Variants in SHISA9 observed in about 807,000 individuals in gnomAD.
SHISA9 encodes shisa family member 9, also known as protein shisa-9.
A neutral mutation model predicts 38.0 loss-of-function variants in SHISA9; 13 were observed. The observed-to-expected ratio is 0.34, with a 90% CI of 0.22 to 0.54. The LOEUF is 0.54. Among genes scored for constraint, SHISA9 ranks in the 20% least tolerant of loss-of-function variants. The probability of loss-of-function intolerance (pLI) is 0.91; values close to 1 mark genes in which losing one functional copy is unlikely to be tolerated. For synonymous variants in SHISA9, 275 were observed against 242.0 expected (o/e 1.14, Z -1.27); for missense variants, 538 against 575.8 (o/e 0.93, Z 0.67).
At chr16:13,482,225 C>G in the SHISA9 span, among the ~76,000 whole-genome samples, 3 of 152,226 alleles carry the variant, frequency 2.0e-5, no homozygotes, top group Non-Finnish European at 2.9e-5. Context: ...TGGCTGTTTC[C>G]CTGCCAAGTC....
chr16:13,118,733 T>TTC (rs1011615331), intron 2 of SHISA9, among the ~76,000 whole-genome samples: 15 of 148,366 alleles, frequency 1.0e-4, no homozygotes, highest in South Asian at 2.1e-4. Context: ...CTTTTTTCTT[T>TTC]TTTTTTTTTT....
At chr16:13,513,322 A>T in the SHISA9 span, among the ~76,000 whole-genome samples, 5 of 152,284 alleles carry the variant, frequency 3.3e-5, no homozygotes, top group South Asian at 1.0e-3. Context: ...GGCAATTATT[A>T]AAAAGTCAAG....
chr16:12,984,255 G>T (rs959172551), intron 2 of SHISA9, among the ~76,000 whole-genome samples: 20 of 152,152 alleles, frequency 1.3e-4, no homozygotes, highest in African/African-American at 4.8e-4. Flanking sequence ...GTGCCAGAAA[G>T]AAATGAAAGG....
the SHISA9 span, among the ~76,000 whole-genome samples, chr16:13,393,127 C>G: frequency 4.3e-4 from 66 of 152,292 alleles, no homozygotes; most frequent in African/African-American, 1.5e-3. Context: ...CCATTCCAAA[C>G]CTGCTTCAAA....
intron 2 of SHISA9, among the ~76,000 whole-genome samples, chr16:13,161,787 A>G (rs960222990): frequency 2.6e-5 from 4 of 152,202 alleles, no homozygotes; most frequent in Non-Finnish European, 5.9e-5. Context: ...ACTCTACCTT[A>G]TAAGAAAAAC....
chr16:13,305,240 G>A, the SHISA9 span, among the ~76,000 whole-genome samples: 100 of 152,268 alleles, frequency 6.6e-4, no homozygotes, highest in Non-Finnish European at 1.1e-3. Flanking sequence ...AATCTGTCAC[G>A]TGAAGTCAGG....
intron 4 of SHISA9, among the ~76,000 whole-genome samples, chr16:13,223,646 G>C (rs575877845): frequency 6.6e-6 from 1 of 152,098 alleles, no homozygotes; most frequent in African/African-American, 2.4e-5. Context: ...CTCATGCTGC[G>C]AATAAAGATG....
the SHISA9 span, among the ~76,000 whole-genome samples, chr16:13,500,041 G>C: frequency 6.6e-6 from 1 of 152,178 alleles, no homozygotes; most frequent in East Asian, 1.9e-4. Flanking sequence ...ATGTGGCTTG[G>C]CTGTGTCCCC....
chr16:13,395,985 T>C, the SHISA9 span, among the ~76,000 whole-genome samples: 15 of 152,330 alleles, frequency 9.8e-5, no homozygotes, highest in Admixed American at 7.2e-4. Context: ...TTAATCTCTT[T>C]TTATTTGAAA....
chr16:12,926,807 A>G (rs2071398493), intron 2 of SHISA9, among the ~76,000 whole-genome samples: 1 of 152,216 alleles, frequency 6.6e-6, no homozygotes, highest in African/African-American at 2.4e-5. Context: ...GAAAAGCAGA[A>G]CATTTTCATG....
At chr16:13,143,931 C>G (rs987000632) in intron 2 of SHISA9, among the ~76,000 whole-genome samples, 1 of 152,116 alleles carries the variant, frequency 6.6e-6, no homozygotes, top group African/African-American at 2.4e-5. Context: ...TATTTTATCC[C>G]CCAGAAATCT....
downstream of SHISA9, among the ~76,000 whole-genome samples, chr16:13,242,019 A>G (rs2051439163): frequency 6.6e-6 from 1 of 152,196 alleles, no homozygotes. Flanking sequence ...AACAACAACA[A>G]TAATCATAGC....
At chr16:13,192,949 G>A (rs1354620365) in intron 2 of SHISA9, among the ~76,000 whole-genome samples, 1 of 151,882 alleles carries the variant, frequency 6.6e-6, no homozygotes, top group Non-Finnish European at 1.5e-5. Flanking sequence ...GGAAGAAGAA[G>A]AAGGAGGAGG....
At chr16:13,399,903 C>G in the SHISA9 span, among the ~76,000 whole-genome samples, 3 of 152,294 alleles carry the variant, frequency 2.0e-5, no homozygotes, top group East Asian at 5.8e-4. Context: ...GTAGTGGGAA[C>G]AGTAAATGCT....
At chr16:13,389,801 G>A in the SHISA9 span, among the ~76,000 whole-genome samples, 5 of 152,166 alleles carry the variant, frequency 3.3e-5, no homozygotes, top group East Asian at 1.9e-4. Flanking sequence ...TGGAGGCTGC[G>A]ATTGTCCTGG....
Position 13,122,377 on chromosome 16 carries a change from C to T in SHISA9, c.692-81017C>T, listed in dbSNP as rs114663977. ...TGGCAAGCAGTTATCTTCAGAGGGACGAAACAATCTCATCCTTCCTAAATG... is the reference window on the plus strand; with the variant it reads ...TGGCAAGCAGTTATCTTCAGAGGGATGAAACAATCTCATCCTTCCTAAATG... On this transcript the variant is annotated intron_variant, in intron 2 of 4. Transcript: ENST00000558583. 4.3e-3 allele frequency among the ~76,000 whole-genome samples: 648 copies of T among 152,128 alleles called. 5 individuals carry two copies. Among genetic ancestry groups the T allele is most frequent in the African/African-American group, 0.014 (597 of 41,530 alleles).
At chr16:13,541,599 G>T in the SHISA9 span, among the ~76,000 whole-genome samples, 2 of 152,152 alleles carry the variant, frequency 1.3e-5, no homozygotes, top group African/African-American at 4.8e-5. Context: ...TAAGAAAAGA[G>T]CACACAGTTA....
the SHISA9 span, among the ~76,000 whole-genome samples, chr16:13,523,910 T>C: frequency 6.6e-6 from 1 of 152,318 alleles, no homozygotes; most frequent in South Asian, 2.1e-4. Context: ...ATATGCATTG[T>C]CCTCTTTGAT....
chr16:13,253,862 C>T, the SHISA9 span, among the ~76,000 whole-genome samples: 1 of 152,150 alleles, frequency 6.6e-6, no homozygotes, highest in African/African-American at 2.4e-5. Flanking sequence ...TTTTAACATT[C>T]ACCAAGATTA....
Sources: allele counts gnomAD v4.1 joint callset (sites outside exome capture counted in the v4.1 genomes callset), GRCh38; gene constraint gnomAD v4.1.1; transcripts MANE v1.5; gene names NCBI Gene and HGNC (gene_info 2026-07-23, HGNC 2026-07-21).